SMCO2: variants seen among roughly 807,000 people sequenced by gnomAD.
SMCO2 encodes the protein single-pass membrane and coiled-coil domain-containing protein 2.
A neutral mutation model predicts 29.5 loss-of-function variants in SMCO2; 25 were observed. That is an observed-to-expected ratio of 0.85 (90% CI 0.62 to 1.18). The LOEUF (loss-of-function observed/expected upper bound fraction) is 1.18. Ranked by LOEUF, SMCO2 falls within the 50% of genes most tolerant of loss-of-function variation. The probability of loss-of-function intolerance (pLI) is 0.00; values close to 1 mark genes in which losing one functional copy is unlikely to be tolerated. For synonymous variants in SMCO2, 117 were observed against 123.3 expected (o/e 0.95, Z 0.34); for missense variants, 348 against 344.5 (o/e 1.01, Z -0.08).
chr12:27,450,614 A>C, the SMCO2 span, among the ~76,000 whole-genome samples: 1 of 152,234 alleles, frequency 6.6e-6, no homozygotes, highest in South Asian at 2.1e-4. Context: ...AAGTGCTCAC[A>C]GAGGGAGCAG....
the SMCO2 span, among the ~76,000 whole-genome samples, chr12:27,447,035 G>T: frequency 2.3e-4 from 35 of 152,162 alleles, no homozygotes; most frequent in African/African-American, 8.0e-4. Context: ...TGAAAACACT[G>T]TTCTAATGCA....
chr12:27,477,584 C>T (rs1949599525), intron 4 of SMCO2, among the ~76,000 whole-genome samples: 1 of 146,298 alleles, frequency 6.8e-6, no homozygotes. Context: ...ATATTGGTTT[C>T]CTTATGGTGT....
At chr12:27,484,335 C>A (rs999156592) in intron 4 of SMCO2, among the ~76,000 whole-genome samples, 2 of 152,088 alleles carry the variant, frequency 1.3e-5, no homozygotes, top group Non-Finnish European at 2.9e-5. Context: ...GCCAAGATCA[C>A]TCCACTGCAC....
chr12:27,442,077 A>G, the SMCO2 span, among the ~76,000 whole-genome samples: 3 of 152,218 alleles, frequency 2.0e-5, no homozygotes, highest in Admixed American at 6.5e-5. Flanking sequence ...CTAACAAGGA[A>G]GTTAATAGCA....
intron 5 of SMCO2, among the ~76,000 whole-genome samples, chr12:27,489,203 C>G (rs1347896497): frequency 2.0e-5 from 3 of 152,202 alleles, no homozygotes; most frequent in East Asian, 3.9e-4. Flanking sequence ...TGTGTGCCAC[C>G]ATGTCTGGCT....
chr12:27,468,354 A>G (rs1051891345), intron 1 of SMCO2, among the ~76,000 whole-genome samples: 6 of 152,138 alleles, frequency 3.9e-5, no homozygotes, highest in Non-Finnish European at 8.8e-5. Flanking sequence ...TCTTGCAACC[A>G]TTCAATTCTC....
the SMCO2 span, among the ~76,000 whole-genome samples, chr12:27,454,035 AG>A: frequency 9.2e-5 from 14 of 152,042 alleles, no homozygotes; most frequent in African/African-American, 3.4e-4. Context: ...CCCAGGCTGG[AG>A]TGTAGTGGCG....
chr12:27,463,557 G>A (rs529014264), upstream of SMCO2, among the ~76,000 whole-genome samples: 9 of 152,222 alleles, frequency 5.9e-5, no homozygotes, highest in East Asian at 1.2e-3. Flanking sequence ...GTGAGCCACC[G>A]TGCCAGGCTT....
At chr12:27,497,367 A>T (rs951440554) in intron 7 of SMCO2, 1 of 210,566 alleles carries the variant, frequency 4.7e-6, no homozygotes, top group Non-Finnish European at 1.0e-5. Flanking sequence ...AAGGAATTTG[A>T]TGATAGATGA....
chr12:27,477,309 G>C (rs555740088), intron 4 of SMCO2, among the ~76,000 whole-genome samples: 1 of 144,518 alleles, frequency 6.9e-6, no homozygotes, highest in East Asian at 2.1e-4. Flanking sequence ...CCTGCTGTTA[G>C]TCTGATGGGG....
chr12:27,446,335 A>T, the SMCO2 span, among the ~76,000 whole-genome samples: 1 of 152,266 alleles, frequency 6.6e-6, no homozygotes, highest in South Asian at 2.1e-4. Context: ...CTCTTCTTAT[A>T]AGGGCACTAA....
At chr12:27,492,927 C>T (rs922139199) in intron 5 of SMCO2, among the ~76,000 whole-genome samples, 1 of 152,130 alleles carries the variant, frequency 6.6e-6, no homozygotes, top group Non-Finnish European at 1.5e-5. Context: ...GACATAGAAT[C>T]AACCTAAATG....
intron 5 of SMCO2, among the ~76,000 whole-genome samples, chr12:27,489,407 TG>T (rs1267913391): frequency 2.6e-5 from 4 of 152,172 alleles, no homozygotes; most frequent in Non-Finnish European, 4.4e-5. Context: ...GAGATCAACT[TG>T]TGACACAAGT....
At chr12:27,457,194 G>C in the SMCO2 span, among the ~76,000 whole-genome samples, 1 of 151,912 alleles carries the variant, frequency 6.6e-6, no homozygotes, top group African/African-American at 2.4e-5. Flanking sequence ...CCTGAACCCT[G>C]ACTCCCCAGG....
At chr12:27,475,710 T>C (rs757443549) in intron 4 of SMCO2, 35 of 1,548,512 alleles carry the variant, frequency 2.3e-5, no homozygotes, top group Non-Finnish European at 3.1e-5. Flanking sequence ...AAAATAAATG[T>C]AACAGAAAAC....
the SMCO2 span, among the ~76,000 whole-genome samples, chr12:27,458,888 GA>G: frequency 7.0e-3 from 535 of 76,858 alleles, 5 homozygotes; most frequent in South Asian, 0.019. Flanking sequence ...ACTCTATCTC[GA>G]AAAAAAAAAA....
chr12:27,436,359 T>C, the SMCO2 span, among the ~76,000 whole-genome samples: 1 of 152,136 alleles, frequency 6.6e-6, no homozygotes, highest in Non-Finnish European at 1.5e-5. Flanking sequence ...CTTTGGAGAA[T>C]GGAAAGTGTA....
upstream of SMCO2, among the ~76,000 whole-genome samples, chr12:27,463,886 G>T (rs972958826): frequency 1.2e-4 from 18 of 152,204 alleles, no homozygotes; most frequent in Non-Finnish European, 2.9e-5. Context: ...GCAGAGTGAA[G>T]AAATCATTTT....
At chr12:27,461,038 T>C in the SMCO2 span, among the ~76,000 whole-genome samples, 1 of 152,198 alleles carries the variant, frequency 6.6e-6, no homozygotes, top group Non-Finnish European at 1.5e-5. Context: ...TCTTTCCTCC[T>C]TTCTGAAATC....
Sources: allele counts gnomAD v4.1 joint callset (sites outside exome capture counted in the v4.1 genomes callset), GRCh38; gene constraint gnomAD v4.1.1; transcripts MANE v1.5; gene names NCBI Gene and HGNC (gene_info 2026-07-23, HGNC 2026-07-21).